FAM13A: variants seen among roughly 807,000 people sequenced by gnomAD.
FAM13A encodes the protein protein FAM13A.
A neutral mutation model predicts 129.6 loss-of-function variants in FAM13A; 76 were observed. That is an observed-to-expected ratio of 0.59 (90% CI 0.49 to 0.71). The LOEUF (loss-of-function observed/expected upper bound fraction) is 0.71, where lower values mean the gene tolerates loss of function less well. Ranked by LOEUF, FAM13A falls within the 30% of genes least tolerant of loss-of-function variation. The probability of loss-of-function intolerance (pLI) is 0.00; values close to 1 mark genes in which losing one functional copy is unlikely to be tolerated. For synonymous variants in FAM13A, 443 were observed against 449.9 expected (o/e 0.98, Z 0.20); for missense variants, 1,108 against 1,249.3 (o/e 0.89, Z 1.70).
chr4:89,031,790 C>T (rs1768713154), intron 1 of FAM13A, among the ~76,000 whole-genome samples: 1 of 152,160 alleles, frequency 6.6e-6, no homozygotes, highest in Non-Finnish European at 1.5e-5. Flanking sequence ...CCATACATCT[C>T]TAATTTTCTA....
chr4:88,742,254 T>C lies in FAM13A; in HGVS notation c.2467-3129A>G, dbSNP rs141365472. ...CAGAAACCAATCTCCTTCCTTACTC[T>C]TTGTTCAAAAACGAAGTTTTCTACT... On this transcript the variant is annotated intron_variant, in intron 19 of 23. Coordinates refer to ENST00000264344, the MANE Select transcript of FAM13A (RefSeq NM_014883.4). Among the ~76,000 whole-genome samples the C allele has an allele frequency of 9.5e-3, 1,452 of 152,310 alleles. 23 individuals carry two copies. Among genetic ancestry groups the C allele is most frequent in the African/African-American group, 0.033 (1,371 of 41,576 alleles).
intron 6 of FAM13A, among the ~76,000 whole-genome samples, chr4:88,884,133 G>A (rs1169990574): frequency 6.6e-6 from 1 of 152,066 alleles, no homozygotes; most frequent in Admixed American, 6.6e-5. Flanking sequence ...GATAGAGAAG[G>A]AAGGAATCCT....
intron 6 of FAM13A, among the ~76,000 whole-genome samples, chr4:88,893,191 T>A (rs538719698): frequency 1.9e-3 from 293 of 152,328 alleles, no homozygotes; most frequent in African/African-American, 6.9e-3. Flanking sequence ...GTTTACAAAT[T>A]AAACCCCAAA....
At chr4:88,956,446 T>C (rs1757766026) in intron 4 of FAM13A, among the ~76,000 whole-genome samples, 1 of 152,208 alleles carries the variant, frequency 6.6e-6, no homozygotes, top group African/African-American at 2.4e-5. Context: ...TGCTCACGCA[T>C]GTACGAAATT....
chr4:88,763,788 C>T lies in FAM13A; in HGVS notation c.1578+3765G>A, dbSNP rs73844103. On this transcript the variant is annotated intron_variant, in intron 13 of 23. Transcript: ENST00000264344. ...CACAGGAAGAAACTACAATATTAAC[C>T]GAAGAACTACAGAGAACCATAAACA... is the stretch of plus-strand genomic sequence containing the variant. Among the ~76,000 whole-genome samples, 191 of 152,228 alleles carry T rather than the reference C, an allele frequency of 1.3e-3. 1 individual carries two copies. The highest frequency in any genetic ancestry group is 3.4e-3 in the African/African-American group (140 of 41,552).
intron 3 of FAM13A, among the ~76,000 whole-genome samples, chr4:89,005,515 C>T (rs1398953827): frequency 1.3e-5 from 2 of 152,200 alleles, no homozygotes; most frequent in Non-Finnish European, 2.9e-5. Context: ...AATGGTTGAA[C>T]AAATTTACAC....
At chr4:89,017,363 T>TA (rs1337122747) in intron 3 of FAM13A, among the ~76,000 whole-genome samples, 7 of 152,196 alleles carry the variant, frequency 4.6e-5, no homozygotes, top group African/African-American at 1.7e-4. Context: ...TTTAGAATGA[T>TA]ACTGCTTGCT....
At chr4:88,843,334 TATG>T (rs1169153248) in intron 7 of FAM13A, among the ~76,000 whole-genome samples, 1 of 152,244 alleles carries the variant, frequency 6.6e-6, no homozygotes, top group Admixed American at 6.5e-5. Flanking sequence ...CGCAGTCGGC[TATG>T]ATATTTGGTA....
chr4:88,998,390 C>T (rs1417817800), intron 3 of FAM13A, among the ~76,000 whole-genome samples: 3 of 152,152 alleles, frequency 2.0e-5, no homozygotes, highest in Non-Finnish European at 4.4e-5. Context: ...GTGCCCAGGA[C>T]CTCATAACAT....
At chr4:88,892,103 G>A (rs1417536630) in intron 6 of FAM13A, among the ~76,000 whole-genome samples, 25 of 152,174 alleles carry the variant, frequency 1.6e-4, no homozygotes. Flanking sequence ...AAACTCAGGA[G>A]GCTGAGGTTT....
chr4:88,916,936 A>T (rs1381775090), intron 5 of FAM13A, among the ~76,000 whole-genome samples: 2 of 152,186 alleles, frequency 1.3e-5, no homozygotes, highest in Non-Finnish European at 2.9e-5. Flanking sequence ...TATTATTTTT[A>T]AAATTCACTG....
chr4:88,980,985 A>G (rs943358852), intron 4 of FAM13A, among the ~76,000 whole-genome samples: 1 of 152,234 alleles, frequency 6.6e-6, no homozygotes, highest in African/African-American at 2.4e-5. Flanking sequence ...CTAAGAAAAA[A>G]TGTAACATCT....
intron 5 of FAM13A, among the ~76,000 whole-genome samples, chr4:88,934,594 TG>T (rs1753560332): frequency 6.6e-6 from 1 of 152,218 alleles, no homozygotes; most frequent in Non-Finnish European, 1.5e-5. Flanking sequence ...AATTAGACTG[TG>T]GCTGTTAGAT....
At chr4:88,847,655 C>G (rs1736865156) in intron 7 of FAM13A, among the ~76,000 whole-genome samples, 1 of 152,134 alleles carries the variant, frequency 6.6e-6, no homozygotes, top group Non-Finnish European at 1.5e-5. Flanking sequence ...AAACAACAGG[C>G]CGGGTGCAGT....
intron 7 of FAM13A, among the ~76,000 whole-genome samples, chr4:88,812,944 G>C (rs1031613477): frequency 2.0e-5 from 3 of 152,122 alleles, no homozygotes; most frequent in African/African-American, 4.8e-5. Context: ...TCTGTACATT[G>C]ATTATTTTAA....
At chr4:88,929,829 C>A (rs563889875) in intron 5 of FAM13A, among the ~76,000 whole-genome samples, 3 of 152,260 alleles carry the variant, frequency 2.0e-5, no homozygotes, top group South Asian at 4.1e-4. Flanking sequence ...CCTCAATTTT[C>A]TGGTCTCAAG....
intron 14 of FAM13A, among the ~76,000 whole-genome samples, chr4:88,756,294 C>T (rs1743620463): frequency 6.6e-6 from 1 of 152,202 alleles, no homozygotes; most frequent in Non-Finnish European, 1.5e-5. Flanking sequence ...GCGAGAGTTC[C>T]ATTCCACATG....
intron 22 of FAM13A, chr4:88,731,789 G>A: frequency 5.6e-6 from 3 of 531,372 alleles, no homozygotes; most frequent in Non-Finnish European, 9.9e-6. Flanking sequence ...AGAACTTCTG[G>A]TTGTTTAAAC....
At chr4:88,932,467 T>C (rs1194200277) in intron 5 of FAM13A, among the ~76,000 whole-genome samples, 1 of 152,222 alleles carries the variant, frequency 6.6e-6, no homozygotes, top group African/African-American at 2.4e-5. Context: ...CAGGGACATG[T>C]CTTATTTATT....
Sources: gnomAD v4.1 joint callset for allele counts (sites outside exome capture counted in the v4.1 genomes callset) on GRCh38, gnomAD v4.1.1 for gene constraint, MANE v1.5 for transcripts, NCBI Gene and HGNC (gene_info 2026-07-23, HGNC 2026-07-21) for gene names.